Variants in EPG5 observed in about 807,000 individuals in gnomAD.
EPG5 encodes ectopic P-granules 5 autophagy tethering factor, also known as ectopic P granules protein 5 homolog.
In EPG5, 159 loss-of-function variants were observed where a neutral mutation model predicts 302.7. The observed-to-expected ratio is 0.53, with a 90% CI of 0.46 to 0.60. The LOEUF is 0.60. Among genes scored for constraint, EPG5 ranks in the 20% least tolerant of loss-of-function variants. The pLI is 0.00. For missense variants in EPG5, 2,896 were observed against 3,092.4 expected (o/e 0.94, Z 1.51); for synonymous variants, 1,158 against 1,136.8 (o/e 1.02, Z -0.37).
chr18:45,879,138 C>G lies in EPG5; in HGVS notation c.5744G>C (p.Gly1915Ala). 6.2e-7 allele frequency: 1 copy of G among 1,614,060 alleles called. No individual in the cohort carries two copies. Among genetic ancestry groups the G allele is most frequent in the Non-Finnish European group, 8.5e-7 (1 of 1,180,006 alleles). The change falls in exon 33 of 44, where the codon GGT (glycine) becomes GCT (alanine). Residue 1915 changes from glycine to alanine, a missense_variant. Transcript: ENST00000282041. ...ATAAGGACTCCATTTTGAGAATAAA[C>G]CAAAGCTTTTAAAGTCCATCTTGGA... ...RLSKMDFKSF[G>A]LFSKWSPYMA...
At position 45,954,666 on chromosome 18, in the gene EPG5, G is replaced by C. The variant is rs1281760623; in HGVS notation, c.736C>G (p.Leu246Val). ...GGTACTAGTTCCAGTTGAGACGGGA[G>C]TTCTGGGTAGAGTCGCTCACTGCGA... is the stretch of plus-strand genomic sequence containing the variant. ...LLRSERLYPE[L>V]PSQLELVPFT... Residue 246 changes from leucine (L) to valine (V), a missense_variant, in exon 2 of 44, where the codon CTC (leucine) becomes GTC (valine). By Grantham distance (32) the Leu-to-Val change is conservative. Transcript: ENST00000282041. 2 of 1,614,246 alleles carry C rather than the reference G, an allele frequency of 1.2e-6. No individual in the cohort carries two copies. Among genetic ancestry groups the C allele is most frequent in the Non-Finnish European group, 8.5e-7 (1 of 1,180,056 alleles).
At chr18:45,810,757 G>C in the EPG5 span, among the ~76,000 whole-genome samples, 4 of 152,300 alleles carry the variant, frequency 2.6e-5, no homozygotes, top group Non-Finnish European at 5.9e-5. Flanking sequence ...CCCTAGCCTA[G>C]GTGACAGAGT....
chr18:45,899,311 T>C, intron 27 of EPG5, 93 bp downstream of exon 27: 1 of 1,405,488 alleles, frequency 7.1e-7, no homozygotes. Context: ...ACAGACAGTG[T>C]GCTATATATG....
intron 31 of EPG5, 145 bp downstream of exon 31, chr18:45,882,129 T>C (rs2049110903): frequency 6.7e-6 from 5 of 741,274 alleles, no homozygotes; most frequent in Non-Finnish European, 1.1e-5. Context: ...GCCTTGTTCA[T>C]CAAGCCCTTT....
the EPG5 span, among the ~76,000 whole-genome samples, chr18:45,807,066 C>T: frequency 7.2e-5 from 11 of 152,144 alleles, no homozygotes; most frequent in Admixed American, 2.0e-4. Flanking sequence ...ACCAGCCCTT[C>T]GGATTATGTG....
Position 45,867,766 on chromosome 18 carries a change from A to C in EPG5, c.6226-18T>G, listed in dbSNP as rs114958790. The C allele has an allele frequency of 1.9e-4, 306 of 1,577,078 alleles. 1 individual carries two copies. The African/African-American group carries it at 3.8e-3, about 20-fold the overall frequency. On this transcript the variant is annotated intron_variant, in intron 36 of 43. Coordinates refer to ENST00000282041, the MANE Select transcript of EPG5 (RefSeq NM_020964.3). The stretch of plus-strand genomic sequence containing the variant: ...CGTTCCACCTAAAAGAAAATGAATT[A>C]AAATCATTCTGTTGCCTTGTGCTAT...
At chr18:45,912,158 G>A (rs80352777) in intron 22 of EPG5, 132 bp downstream of exon 22, 1 of 186,550 alleles carries the variant, frequency 5.4e-6, no homozygotes, top group African/African-American at 3.7e-5. Flanking sequence ...CATAGAGACA[G>A]AGAAAGAGTC....
chr18:45,819,380 G>A, the EPG5 span, among the ~76,000 whole-genome samples: 1 of 151,972 alleles, frequency 6.6e-6, no homozygotes, highest in Non-Finnish European at 1.5e-5. Flanking sequence ...AACTCTCTTT[G>A]TTTCATTGAT....
intron 1 of EPG5, among the ~76,000 whole-genome samples, chr18:45,964,564 C>A (rs1207894835): frequency 6.6e-6 from 1 of 151,698 alleles, no homozygotes. Context: ...GTAGTCTCAT[C>A]GTTAAGTAGG....
Position 45,870,588 on chromosome 18 carries a change from C to CATCT in EPG5, c.6200_6203dup (p.Met2068IlefsTer28). The stretch of plus-strand genomic sequence containing the variant: ...TTACTTTGAAGAAGGCCTCCATGAG[C>CATCT]ATCTGGTCAGGGTGCAGGTCCTTCC... On this transcript the variant is annotated frameshift_variant, in exon 36 of 44. Transcript: ENST00000282041. LOFTEE classifies it high-confidence loss of function. 6.2e-7 allele frequency: 1 copy of CATCT among 1,613,564 alleles called. No homozygotes were observed. Among genetic ancestry groups the CATCT allele is most frequent in the Non-Finnish European group, 8.5e-7 (1 of 1,179,638 alleles).
intron 6 of EPG5, among the ~76,000 whole-genome samples, chr18:45,948,060 C>A (rs1372231705): frequency 2.0e-5 from 3 of 152,284 alleles, no homozygotes; most frequent in African/African-American, 7.2e-5. Context: ...CAGGTGTGAG[C>A]CACCATGCCC....
intron 27 of EPG5, among the ~76,000 whole-genome samples, chr18:45,894,830 T>A (rs1440823): frequency 6.6e-6 from 1 of 151,998 alleles, no homozygotes; most frequent in African/African-American, 2.4e-5. Context: ...TAGAAAAAGA[T>A]CAATAACAGA....
the EPG5 span, among the ~76,000 whole-genome samples, chr18:45,825,234 G>C: frequency 6.9e-6 from 1 of 145,024 alleles, no homozygotes. Context: ...GAGGGAGGGA[G>C]GAATAAGGGA....
chr18:45,962,128 T>G (rs1339364271), intron 1 of EPG5, among the ~76,000 whole-genome samples: 1 of 152,184 alleles, frequency 6.6e-6, no homozygotes, highest in African/African-American at 2.4e-5. Context: ...GGGTGATCAA[T>G]GAGTGTTTGT....
intron 31 of EPG5, 40 bp from the exon 32 acceptor site, chr18:45,880,263 C>G: frequency 6.6e-7 from 1 of 1,506,294 alleles, no homozygotes; most frequent in Non-Finnish European, 8.9e-7. Flanking sequence ...GTGGCTTTCC[C>G]GAAAGGAATA....
chr18:45,842,202 ACC>A, the EPG5 span: 2 of 1,613,720 alleles, frequency 1.2e-6, no homozygotes, highest in Admixed American at 3.3e-5. Flanking sequence ...TCCCTCAGCC[ACC>A]AACATCCATT....
chr18:45,940,247 T>C (rs1224372731), intron 9 of EPG5, among the ~76,000 whole-genome samples: 2 of 152,148 alleles, frequency 1.3e-5, no homozygotes, highest in African/African-American at 4.8e-5. Context: ...AGGAGGCCAA[T>C]GTGCTGAGAG....
At position 45,848,631 on chromosome 18, in the gene EPG5, C is replaced by T. The variant is rs1302588133; in HGVS notation, c.*3836G>A. 6.6e-6 allele frequency: 1 copy of T among 152,296 alleles called. No homozygotes were observed. The highest frequency in any genetic ancestry group is 2.4e-5 in the African/African-American group (1 of 41,474). 9.4% of individuals were successfully genotyped at this position (152,296 alleles called of 1,614,324 possible). ...CTCTCTTGGCACCTGCAAGCAAGCA[C>T]CAACTTAAATGTATGCCCCAGGTGC... On this transcript the variant is annotated 3_prime_UTR_variant, in exon 44 of 44. Transcript: ENST00000282041.
chr18:45,898,227 C>T (rs746952457), intron 27 of EPG5, among the ~76,000 whole-genome samples: 3 of 152,192 alleles, frequency 2.0e-5, no homozygotes, highest in South Asian at 2.1e-4. Context: ...TTAAAAAGAG[C>T]ACTGGCTCTG....
Sources: gnomAD v4.1 joint callset for allele counts (sites outside exome capture counted in the v4.1 genomes callset) on GRCh38, gnomAD v4.1.1 for gene constraint, MANE v1.5 for transcripts, NCBI Gene and HGNC (gene_info 2026-07-23, HGNC 2026-07-21) for gene names.